Variants in CHRM3 observed in about 807,000 individuals in gnomAD.
CHRM3 encodes the protein muscarinic acetylcholine receptor M3.
A neutral mutation model predicts 41.8 loss-of-function variants in CHRM3; 11 were observed. That is an observed-to-expected ratio of 0.26 (90% CI 0.17 to 0.44). CHRM3 has a LOEUF of 0.44. CHRM3 is among the 20% of genes least tolerant of loss of function. The pLI is 1.00. For missense variants in CHRM3, 571 were observed against 745.4 expected, an observed-to-expected ratio of 0.77 and a Z score of 2.72; for synonymous variants, 297 against 301.4, an observed-to-expected ratio of 0.99 and a Z score of 0.15.
intron 3 of CHRM3, among the ~76,000 whole-genome samples, chr1:239,548,147 C>T (rs909005853): frequency 8.5e-5 from 13 of 152,258 alleles, no homozygotes; most frequent in African/African-American, 3.1e-4. Context: ...GTCCTTTGAG[C>T]TTACACTGGA....
At chr1:239,641,464 A>G (rs1333003769) in intron 4 of CHRM3, among the ~76,000 whole-genome samples, 2 of 146,396 alleles carry the variant, frequency 1.4e-5, no homozygotes, top group Non-Finnish European at 3.0e-5. Flanking sequence ...TTGGGTGCAT[A>G]TATATTTAGG....
At position 239,908,331 on chromosome 1, in the gene CHRM3, G is replaced by A. The variant is rs768152496; in HGVS notation, c.880G>A (p.Glu294Lys). The change falls in exon 7 of 7, where the codon GAA becomes AAA. Residue 294 changes from glutamate to lysine, a missense_variant. By Grantham distance (56) the Glu-to-Lys change is moderately conservative. Around this residue, in one of 5 missense-constraint regions of CHRM3, gnomAD observed 239 missense variants for 239.6 expected, o/e 1.00. Transcript: ENST00000676153. This position sits in a 1 kb window ranked among gnomAD's most constrained non-coding sequence, Gnocchi z 7.2. Reference sequence around the variant, plus strand: ...CAGTTCTCGAAGCTGCAGCAGTTACGAACTTCAACAGCAAAGCATGAAACG... The same window carrying A: ...CAGTTCTCGAAGCTGCAGCAGTTACAAACTTCAACAGCAAAGCATGAAACG... ...TGSSRSCSSY[E>K]LQQQSMKRSN... is the part of the protein sequence containing the mutation. The A allele has an allele frequency of 5.0e-6, 8 of 1,613,958 alleles. No homozygotes were observed. In the Admixed American group the frequency reaches 5.0e-5, roughly 10 times the overall value.
At chr1:239,774,461 A>G (rs1667940311) in intron 5 of CHRM3, among the ~76,000 whole-genome samples, 1 of 152,184 alleles carries the variant, frequency 6.6e-6, no homozygotes, top group Admixed American at 6.5e-5. Context: ...AAAGATTTTT[A>G]TAATCAGGAG....
At chr1:239,397,786 A>G (rs948969618) in intron 1 of CHRM3, among the ~76,000 whole-genome samples, 1 of 149,174 alleles carries the variant, frequency 6.7e-6, no homozygotes, top group Non-Finnish European at 1.5e-5. Context: ...ATGTTGTAAA[A>G]GATATACCAA....
intron 5 of CHRM3, among the ~76,000 whole-genome samples, chr1:239,763,825 G>T (rs1025747529): frequency 6.6e-6 from 1 of 151,940 alleles, no homozygotes; most frequent in African/African-American, 2.4e-5. Context: ...GCTGGACATG[G>T]TGACTCATCC....
chr1:239,451,627 A>C (rs1664561355), intron 1 of CHRM3, among the ~76,000 whole-genome samples: 1 of 152,326 alleles, frequency 6.6e-6, no homozygotes, highest in African/African-American at 2.4e-5. Context: ...TTTTTTAATC[A>C]GATTTTCAAC....
chr1:239,512,862 C>T (rs1052544305), intron 2 of CHRM3, among the ~76,000 whole-genome samples: 3 of 151,860 alleles, frequency 2.0e-5, no homozygotes, highest in Non-Finnish European at 4.4e-5. Flanking sequence ...TCAGAGTGGC[C>T]GATGGCCCAG....
intron 1 of CHRM3, among the ~76,000 whole-genome samples, chr1:239,400,421 A>AT (rs1327105316): frequency 6.6e-6 from 1 of 151,642 alleles, no homozygotes; most frequent in Non-Finnish European, 1.5e-5. Context: ...CACTTTGTTT[A>AT]TTTTTTCCTT....
At chr1:239,717,466 C>T (rs530589052) in intron 5 of CHRM3, among the ~76,000 whole-genome samples, 102 of 116,494 alleles carry the variant, frequency 8.8e-4, no homozygotes, top group African/African-American at 2.7e-3. Flanking sequence ...AAGACACACA[C>T]GCACACACAC....
At chr1:239,759,946 G>C (rs898388810) in intron 5 of CHRM3, among the ~76,000 whole-genome samples, 4 of 151,572 alleles carry the variant, frequency 2.6e-5, no homozygotes, top group African/African-American at 9.7e-5. Context: ...ATGGAGTCTC[G>C]CTCCATCGCC....
At position 239,461,198 on chromosome 1, in the gene CHRM3, A is replaced by C. The variant is rs146520621; in HGVS notation, c.-520-31511A>C. On this transcript the variant is annotated intron_variant, in intron 1 of 6. Transcript: ENST00000676153. ...TCTAGATATCATGTGCCAATGAATA[A>C]GGAGAGATTTATATGGGTTATAGGT... Among the ~76,000 whole-genome samples, 60 of 152,328 alleles carry C rather than the reference A, an allele frequency of 3.9e-4. 1 individual carries two copies. The highest frequency in any genetic ancestry group is 1.4e-3 in the African/African-American group (59 of 41,576).
intron 5 of CHRM3, among the ~76,000 whole-genome samples, chr1:239,825,440 A>T (rs1490949773): frequency 6.6e-6 from 1 of 152,136 alleles, no homozygotes; most frequent in Non-Finnish European, 1.5e-5. Context: ...TAAAGTTCTC[A>T]CTTGACTTCA....
intron 4 of CHRM3, among the ~76,000 whole-genome samples, chr1:239,665,041 C>A (rs1312909278): frequency 6.6e-6 from 1 of 151,660 alleles, no homozygotes; most frequent in Non-Finnish European, 1.5e-5. Context: ...ATCACACCAT[C>A]GGTCTCTGGA....
chr1:239,674,140 T>A (rs1424305320), intron 4 of CHRM3, among the ~76,000 whole-genome samples: 1 of 152,286 alleles, frequency 6.6e-6, no homozygotes, highest in Non-Finnish European at 1.5e-5. Flanking sequence ...GTTACGGTGA[T>A]CATTTTCCTA....
chr1:239,868,545 G>T (rs1159700755), intron 6 of CHRM3, among the ~76,000 whole-genome samples: 4 of 152,066 alleles, frequency 2.6e-5, no homozygotes, highest in Non-Finnish European at 5.9e-5. Flanking sequence ...TAAACTTTAA[G>T]CTGTTTCTCT....
At chr1:239,902,755 G>A (rs1035710036) in intron 6 of CHRM3, among the ~76,000 whole-genome samples, 25 of 152,252 alleles carry the variant, frequency 1.6e-4, no homozygotes, top group African/African-American at 6.0e-4. Context: ...GGACTGCCAT[G>A]GTTATTGACT....
intron 5 of CHRM3, among the ~76,000 whole-genome samples, chr1:239,725,203 C>T (rs1032455680): frequency 9.9e-5 from 15 of 151,802 alleles, no homozygotes; most frequent in South Asian, 2.1e-4. Flanking sequence ...GGTAGTATAA[C>T]GCTAGCATAC....
chr1:239,710,202 A>G (rs1661628264), intron 5 of CHRM3, among the ~76,000 whole-genome samples: 1 of 152,186 alleles, frequency 6.6e-6, no homozygotes, highest in African/African-American at 2.4e-5. Flanking sequence ...ATGTATAACT[A>G]TATCCATATT....
At chr1:239,672,337 A>G (rs1419306653) in intron 4 of CHRM3, among the ~76,000 whole-genome samples, 5 of 152,098 alleles carry the variant, frequency 3.3e-5, no homozygotes, top group African/African-American at 1.2e-4. Context: ...GACCTCAGAA[A>G]AGGCTTCAGA....
Sources: allele counts gnomAD v4.1 joint callset (sites outside exome capture counted in the v4.1 genomes callset), GRCh38; gene constraint gnomAD v4.1.1; regional missense constraint gnomAD v4.1.1; non-coding constraint Gnocchi (gnomAD v3.1); transcripts MANE v1.5; gene names NCBI Gene and HGNC (gene_info 2026-07-23, HGNC 2026-07-21).